TMEM258: variants seen among roughly 807,000 people sequenced by gnomAD.
The protein encoded by TMEM258 is transmembrane protein 258.
Under a neutral mutation model 9.9 loss-of-function variants are expected in TMEM258, and 11 were observed. That is an observed-to-expected ratio of 1.11 (90% confidence interval 0.70 to 1.85). The LOEUF is 1.85. Ranked by LOEUF, TMEM258 falls within the 40% of genes most tolerant of loss-of-function variation. The pLI, the probability that TMEM258 is intolerant of heterozygous loss-of-function variation, is 0.00. For missense variants in TMEM258, 81 were observed against 99.7 expected (o/e 0.81, Z 0.80); for synonymous variants, 40 against 39.1 (o/e 1.02, Z -0.09).
rs199860234 is a variant in TMEM258 at position 61,789,759 on chromosome 11, C to T, written c.*10+26G>A. ...CCCTGGGCTGTGCCTTGGAGGCTCA[C>T]GCATCCATCCCATTGCAGCTCTTAC... is the stretch of plus-strand genomic sequence containing the variant. On this transcript the variant is annotated intron_variant, in intron 3 of 3. Coordinates refer to ENST00000537328, the MANE Select transcript of TMEM258 (RefSeq NM_014206.4). The T allele has an allele frequency of 3.0e-5, 47 of 1,590,694 alleles. 1 individual carries two copies. Among genetic ancestry groups the T allele is most frequent in the South Asian group, 2.6e-4 (23 of 87,254 alleles).
chr11:61,790,814 C>A (rs2066778735), intron 1 of TMEM258, among the ~76,000 whole-genome samples: 1 of 152,184 alleles, frequency 6.6e-6, no homozygotes, highest in African/African-American at 2.4e-5. Context: ...AACTCTCTGC[C>A]TGAGAAAAAC....
At chr11:61,791,188 T>G (rs1473835132) in intron 1 of TMEM258, among the ~76,000 whole-genome samples, 1 of 152,088 alleles carries the variant, frequency 6.6e-6, no homozygotes, top group Non-Finnish European at 1.5e-5. Flanking sequence ...ATTCCTGACC[T>G]CAGGTGATCT....
chr11:61,790,723 T>C (rs987474817), intron 1 of TMEM258, 121 bp from the exon 2 acceptor site: 2 of 778,906 alleles, frequency 2.6e-6, no homozygotes, highest in African/African-American at 1.7e-5. Context: ...AGCCCGGAAA[T>C]GTAGCTGCAG....
intron 1 of TMEM258, chr11:61,791,430 T>G (rs902166015): frequency 1.3e-5 from 2 of 151,748 alleles, no homozygotes; most frequent in African/African-American, 4.8e-5. Flanking sequence ...GCCCGGCTAA[T>G]TTTTTGTATT....
intron 1 of TMEM258, 176 bp downstream of exon 1, chr11:61,792,380 A>G (rs993983208): frequency 1.2e-6 from 1 of 815,094 alleles, no homozygotes; most frequent in Non-Finnish European, 2.0e-6. Flanking sequence ...GCGAGCTGAG[A>G]AACCTAAGGA....
intron 1 of TMEM258, 115 bp downstream of exon 1, chr11:61,792,441 G>GT: frequency 6.8e-7 from 1 of 1,477,298 alleles, no homozygotes; most frequent in Non-Finnish European, 9.5e-7. Context: ...CAAGCCGGAG[G>GT]TTCCAGGAGC....
In TMEM258 at chr11:61,792,588, C is replaced by G; in HGVS notation, c.-30G>C. On this transcript the variant is annotated 5_prime_UTR_variant, in exon 1 of 4. Coordinates refer to ENST00000537328, the MANE Select transcript of TMEM258 (RefSeq NM_014206.4). ...CCCCGCGAAGGCTAATCCGCCGCTCCGCCACCGGAAGAACACGTCGGCAGG... is the reference window on the plus strand; with the variant it reads ...CCCCGCGAAGGCTAATCCGCCGCTCGGCCACCGGAAGAACACGTCGGCAGG... The G allele has an allele frequency of 1.9e-6, 3 of 1,613,444 alleles. No homozygotes were observed. Among genetic ancestry groups the G allele is most frequent in the Non-Finnish European group, 2.5e-6 (3 of 1,179,972 alleles).
intron 3 of TMEM258, among the ~76,000 whole-genome samples, chr11:61,789,451 C>T (rs1000681634): frequency 3.9e-5 from 6 of 152,180 alleles, no homozygotes; most frequent in African/African-American, 1.4e-4. Context: ...TTCCCAGCAG[C>T]CTCTCCAAGT....
At chr11:61,790,783 G>T (rs1257073975) in intron 1 of TMEM258, among the ~76,000 whole-genome samples, 181 bp from the exon 2 acceptor site, 1 of 152,174 alleles carries the variant, frequency 6.6e-6, no homozygotes, top group African/African-American at 2.4e-5. Context: ...TGACCACTAT[G>T]AAAACGTGAC....
chr11:61,789,399 A>G (rs1451862656), intron 3 of TMEM258, among the ~76,000 whole-genome samples, 164 bp from the exon 4 acceptor site: 3 of 152,148 alleles, frequency 2.0e-5, no homozygotes, highest in Non-Finnish European at 4.4e-5. Context: ...GTCTGCAGCA[A>G]GTTTTAAGCC....
chr11:61,792,246 T>G, intron 1 of TMEM258: 3 of 440,286 alleles, frequency 6.8e-6, no homozygotes, highest in Non-Finnish European at 8.4e-6. Context: ...GCCCAGGGCA[T>G]TGTAGGATGG....
At position 61,792,538 on chromosome 11, in the gene TMEM258, T is replaced by C; in HGVS notation, c.3+18A>G. On this transcript the variant is annotated intron_variant, in intron 1 of 3. Coordinates refer to ENST00000537328, the MANE Select transcript of TMEM258 (RefSeq NM_014206.4). ...GGGTCCTCGCATCTCCGTCTGGAAC[T>C]CCCCTCAACGCTCTCACCATTTTGC... 4 of 1,613,832 alleles carry C rather than the reference T, an allele frequency of 2.5e-6. No individual in the cohort carries two copies. The African/African-American group carries it at 4.0e-5, about 16-fold the overall frequency.
At chr11:61,789,622 A>C (rs2066766716) in intron 3 of TMEM258, 163 bp downstream of exon 3, 1 of 782,702 alleles carries the variant, frequency 1.3e-6, no homozygotes, top group African/African-American at 1.7e-5. Context: ...GCAGGGAAAG[A>C]GGCACAAATG....
Position 61,789,824 on chromosome 11 carries a change from G to C in TMEM258, c.211C>G (p.Leu71Val), listed in dbSNP as rs746560876. 1 of 1,613,716 alleles carries C rather than the reference G, an allele frequency of 6.2e-7. No individual in the cohort carries two copies. The highest frequency in any genetic ancestry group is 1.7e-5 in the Admixed American group (1 of 59,956). ...ACGTAGATGCCAACCCAGAGCAGCAGGAAGAGGACTCCAAAGCCCATGAAG... is the reference window on the plus strand; with the variant it reads ...ACGTAGATGCCAACCCAGAGCAGCACGAAGAGGACTCCAAAGCCCATGAAG... ...SLFMGFGVLF[L>V]LLWVGIYV Residue 71 changes from leucine to valine, a missense_variant, in exon 3 of 4, where the codon CTG (leucine) becomes GTG (valine). Physicochemically the swap from Leu to Val is conservative, Grantham distance 32. Transcript: ENST00000537328.
chr11:61,791,719 A>T (rs1351187878), intron 1 of TMEM258: 1 of 152,244 alleles, frequency 6.6e-6, no homozygotes, highest in African/African-American at 2.4e-5. Flanking sequence ...AAAGATGATG[A>T]ATCAAAGCAT....
In TMEM258 at chr11:61,790,333, T is replaced by C. The variant is rs2066774247; in HGVS notation, c.113+160A>G. Reference sequence around the variant, plus strand: ...CACCTGAACTTGGGAAATAAGGCTATAACCTGCCCCTGGGCATCACTAGCC... The same window carrying C: ...CACCTGAACTTGGGAAATAAGGCTACAACCTGCCCCTGGGCATCACTAGCC... On this transcript the variant is annotated intron_variant, in intron 2 of 3. Coordinates refer to ENST00000537328, the MANE Select transcript of TMEM258 (RefSeq NM_014206.4). 1.2e-5 allele frequency: 8 copies of C among 690,682 alleles called. No homozygotes were observed. In the South Asian group the frequency reaches 1.4e-4, roughly 12 times the overall value. The allele number at this position is 690,682 out of a possible 1,614,324, so 42.8% of individuals were successfully genotyped here. A position where few individuals can be genotyped will look rare whatever the true frequency, so the allele number is the denominator to read the frequency against.
At chr11:61,789,712 T>A in intron 3 of TMEM258, 73 bp downstream of exon 3, 1 of 1,501,614 alleles carries the variant, frequency 6.7e-7, no homozygotes, top group South Asian at 1.4e-5. Context: ...AGGACCCTGC[T>A]GACCTGACTC....
chr11:61,792,535 A>C, intron 1 of TMEM258, 21 bp downstream of exon 1: 1 of 1,613,852 alleles, frequency 6.2e-7, no homozygotes, highest in African/African-American at 1.3e-5. Flanking sequence ...CTCCGTCTGG[A>C]ACTCCCCTCA....
intron 1 of TMEM258, among the ~76,000 whole-genome samples, chr11:61,791,127 T>C (rs618955): frequency 6.6e-6 from 1 of 152,042 alleles, no homozygotes; most frequent in Non-Finnish European, 1.5e-5. Flanking sequence ...ATCTAATTTT[T>C]GTATTTTTAG....
Sources: allele counts gnomAD v4.1 joint callset (sites outside exome capture counted in the v4.1 genomes callset), GRCh38; gene constraint gnomAD v4.1.1; transcripts MANE v1.5; gene names NCBI Gene and HGNC (gene_info 2026-07-23, HGNC 2026-07-21).